The following NAA25 variants were observed in gnomAD, a reference collection of about 807,000 sequenced individuals.
The protein encoded by NAA25 is N-alpha-acetyltransferase 25, NatB auxiliary subunit, also known as N-terminal acetyltransferase B complex subunit NAA25.
Under a neutral mutation model 132.5 loss-of-function variants are expected in NAA25, and 30 were observed. The ratio of observed to expected loss-of-function variants is 0.23; its 90% CI spans 0.17 to 0.31. NAA25 has a LOEUF of 0.31. Among genes scored for constraint, NAA25 ranks in the 10% least tolerant of loss-of-function variants. The pLI is 1.00. For missense variants in NAA25, 771 were observed against 1,150.4 expected (o/e 0.67, Z 4.77); for synonymous variants, 359 against 401.9 (o/e 0.89, Z 1.28).
At chr12:112,106,834 T>C (rs1258165269) in intron 1 of NAA25, among the ~76,000 whole-genome samples, 1 of 151,454 alleles carries the variant, frequency 6.6e-6, no homozygotes, top group Non-Finnish European at 1.5e-5. Context: ...GCACCTGTAA[T>C]CCCAGCTACT....
intron 4 of NAA25, among the ~76,000 whole-genome samples, chr12:112,083,353 A>G (rs1004645539): frequency 6.6e-6 from 1 of 152,118 alleles, no homozygotes; most frequent in Non-Finnish European, 1.5e-5. Flanking sequence ...AAAAATATGA[A>G]AATTAACTGG....
intron 21 of NAA25, 46 bp from the exon 22 acceptor site, chr12:112,039,385 A>G (rs759257551): frequency 3.9e-5 from 45 of 1,142,810 alleles, no homozygotes; most frequent in Non-Finnish European, 2.6e-6. Context: ...TACACTAAAA[A>G]TATCTATCAG....
intron 22 of NAA25, among the ~76,000 whole-genome samples, chr12:112,035,760 C>T (rs891641618): frequency 6.6e-6 from 1 of 151,580 alleles, no homozygotes; most frequent in African/African-American, 2.4e-5. Flanking sequence ...TCACGGCAGC[C>T]TCAATTTCCC....
chr12:112,099,177 A>G (rs2079257078), intron 1 of NAA25, among the ~76,000 whole-genome samples: 1 of 151,874 alleles, frequency 6.6e-6, no homozygotes, highest in African/African-American at 2.4e-5. Context: ...TTTAGTAGAG[A>G]CGGGGTTTCA....
intron 8 of NAA25, among the ~76,000 whole-genome samples, 180 bp from the exon 9 acceptor site, chr12:112,074,944 C>T (rs1456271188): frequency 4.6e-5 from 7 of 152,136 alleles, no homozygotes; most frequent in Non-Finnish European, 8.8e-5. Flanking sequence ...AGTAATACTA[C>T]TTTGTATTTG....
intron 4 of NAA25, among the ~76,000 whole-genome samples, chr12:112,084,787 A>C (rs1341312414): frequency 6.6e-6 from 1 of 151,054 alleles, no homozygotes; most frequent in South Asian, 2.1e-4. Context: ...GCGAGACTCC[A>C]TATCAAATAA....
At chr12:112,043,571 A>T in intron 18 of NAA25, 54 bp downstream of exon 18, 1 of 1,590,704 alleles carries the variant, frequency 6.3e-7, no homozygotes, top group Non-Finnish European at 8.6e-7. Context: ...TGTTTATAAA[A>T]CAGTCATAAA....
chr12:112,079,372 C>A (rs1410521398), intron 5 of NAA25, among the ~76,000 whole-genome samples: 3 of 151,940 alleles, frequency 2.0e-5, no homozygotes, highest in Non-Finnish European at 2.9e-5. Flanking sequence ...TCCCTTGAGG[C>A]CAGAAATTTT....
At chr12:112,064,105 A>C (rs1290292542) in intron 11 of NAA25, 1 of 152,236 alleles carries the variant, frequency 6.6e-6, no homozygotes, top group Non-Finnish European at 1.5e-5. Context: ...CTCATCCTGC[A>C]GTTTAACATC....
intron 3 of NAA25, 121 bp from the exon 4 acceptor site, chr12:112,087,922 C>T (rs1227989368): frequency 9.1e-6 from 6 of 661,460 alleles, no homozygotes; most frequent in South Asian, 1.8e-5. Flanking sequence ...ATCTGCTTTG[C>T]CTCATCCAAT....
At chr12:112,055,210 G>C (rs1389766920) in intron 13 of NAA25, among the ~76,000 whole-genome samples, 1 of 152,120 alleles carries the variant, frequency 6.6e-6, no homozygotes, top group East Asian at 1.9e-4. Context: ...GGGAGGATGA[G>C]TAGGTAAATT....
At position 112,029,333 on chromosome 12, in the gene NAA25, G is replaced by C; in HGVS notation, c.*198C>G. The C allele has an allele frequency of 1.3e-6, 1 of 768,480 alleles. No homozygotes were observed. The highest frequency in any genetic ancestry group is 2.0e-6 in the Non-Finnish European group (1 of 509,328). 47.6% of individuals were successfully genotyped at this position (768,480 alleles called of 1,614,324 possible). On this transcript the variant is annotated 3_prime_UTR_variant, in exon 24 of 24. Transcript: ENST00000261745. ...AAAAAGTGGTCAAACCCAGATGAGG[G>C]TCCCGCTTCTGGTTTATATACAATA...
rs201716801 is a variant in NAA25 at position 112,073,263 on chromosome 12, C to T, written c.867-1199G>A. On this transcript the variant is annotated intron_variant, in intron 9 of 23. Transcript: ENST00000261745. ...AAAAACAAAAATTAAAAATTAAATA[C>T]ACACACACACACACACACACACATA... Among the ~76,000 whole-genome samples, 4 of 129,072 alleles carry T rather than the reference C, an allele frequency of 3.1e-5. No individual in the cohort carries two copies. In the East Asian group the frequency reaches 5.3e-3, roughly 172 times the overall value. The allele number at this position is 129,072 out of a possible 152,430, so 84.7% of individuals were successfully genotyped here.
chr12:112,062,360 TACTGC>T (rs1014334593), intron 11 of NAA25, among the ~76,000 whole-genome samples: 1 of 146,698 alleles, frequency 6.8e-6, no homozygotes, highest in Non-Finnish European at 1.5e-5. Context: ...AAGATTGTTC[TACTGC>T]ACTCCAGCCT....
At chr12:112,036,412 C>G (rs1456487789) in intron 22 of NAA25, among the ~76,000 whole-genome samples, 1 of 151,954 alleles carries the variant, frequency 6.6e-6, no homozygotes, top group African/African-American at 2.4e-5. Flanking sequence ...TGTGAAACAA[C>G]AAATAAATAT....
At chr12:112,074,850 G>GT in intron 8 of NAA25, 86 bp from the exon 9 acceptor site, 1 of 943,536 alleles carries the variant, frequency 1.1e-6, no homozygotes, top group Non-Finnish European at 1.6e-6. Flanking sequence ...AATTTATTTT[G>GT]TAAGTTATAT....
chr12:112,098,875 A>G (rs2079252194), intron 1 of NAA25, among the ~76,000 whole-genome samples: 2 of 152,134 alleles, frequency 1.3e-5, no homozygotes, highest in African/African-American at 4.8e-5. Flanking sequence ...TTGTGCTAAG[A>G]TTACAGGCGT....
intron 9 of NAA25, among the ~76,000 whole-genome samples, chr12:112,074,451 A>G (rs2078866030): frequency 6.6e-6 from 1 of 152,096 alleles, no homozygotes; most frequent in South Asian, 2.1e-4. Context: ...TATTTTTGGA[A>G]TGGTAGGATA....
intron 3 of NAA25, among the ~76,000 whole-genome samples, chr12:112,088,017 C>G (rs2079078758): frequency 6.6e-6 from 1 of 152,116 alleles, no homozygotes; most frequent in African/African-American, 2.4e-5. Context: ...CATATAAGAC[C>G]TTATAGGATC....
Sources: allele counts gnomAD v4.1 joint callset (sites outside exome capture counted in the v4.1 genomes callset), GRCh38; gene constraint gnomAD v4.1.1; transcripts MANE v1.5; gene names NCBI Gene and HGNC (gene_info 2026-07-23, HGNC 2026-07-21).